Variants in SNX24 observed in about 807,000 individuals in gnomAD.
SNX24 encodes sorting nexin 24.
SNX24 carries 22 observed loss-of-function variants against 28.7 expected under a neutral mutation model. The ratio of observed to expected loss-of-function variants is 0.77; its 90% confidence interval spans 0.55 to 1.10. The LOEUF (loss-of-function observed/expected upper bound fraction) is 1.10. SNX24 is among the 50% of genes least tolerant of loss of function. The pLI, the probability that SNX24 is intolerant of heterozygous loss-of-function variation, is 0.00. For synonymous variants in SNX24, 69 were observed against 71.5 expected, an observed-to-expected ratio of 0.96 and a Z score of 0.18; for missense variants, 221 against 201.1, an observed-to-expected ratio of 1.10 and a Z score of -0.60.
intron 1 of SNX24, among the ~76,000 whole-genome samples, chr5:122,907,440 C>A (rs1297584427): frequency 1.3e-5 from 2 of 152,174 alleles, no homozygotes; most frequent in Non-Finnish European, 2.9e-5. Context: ...AGACGGCCCT[C>A]AGGGTAAAGT....
chr5:122,859,176 C>T (rs754668782), intron 1 of SNX24, among the ~76,000 whole-genome samples: 7 of 152,126 alleles, frequency 4.6e-5, no homozygotes, highest in Non-Finnish European at 8.8e-5. Flanking sequence ...CTTAGTCTTT[C>T]CTTAAGAGAT....
chr5:122,990,331 TA>T (rs754759736), intron 3 of SNX24, among the ~76,000 whole-genome samples: 14 of 152,208 alleles, frequency 9.2e-5, no homozygotes, highest in Non-Finnish European at 2.1e-4. Flanking sequence ...CGAACAAATA[TA>T]AAATGGTGTT....
At chr5:122,949,361 C>G (rs1554075254) in intron 3 of SNX24, among the ~76,000 whole-genome samples, 1 of 152,190 alleles carries the variant, frequency 6.6e-6, no homozygotes, top group Non-Finnish European at 1.5e-5. Flanking sequence ...CATCTCTATT[C>G]AATTTAAGTA....
chr5:122,878,649 C>T (rs1001445673), intron 1 of SNX24, among the ~76,000 whole-genome samples: 1 of 152,022 alleles, frequency 6.6e-6, no homozygotes, highest in African/African-American at 2.4e-5. Flanking sequence ...GGAAAAACAT[C>T]AAGGGATGAA....
chr5:122,870,635 T>C (rs1755927620), intron 1 of SNX24, among the ~76,000 whole-genome samples: 2 of 152,308 alleles, frequency 1.3e-5, no homozygotes, highest in Middle Eastern at 3.4e-3. Flanking sequence ...CGCGTGTGCA[T>C]GTGGAATGAA....
At chr5:122,952,934 T>G (rs538998785) in intron 3 of SNX24, among the ~76,000 whole-genome samples, 2 of 152,286 alleles carry the variant, frequency 1.3e-5, no homozygotes, top group East Asian at 3.9e-4. Context: ...TCTAACATCC[T>G]ACTTCTTTCT....
chr5:122,861,795 A>G (rs1755471524), intron 1 of SNX24, among the ~76,000 whole-genome samples: 1 of 152,048 alleles, frequency 6.6e-6, no homozygotes, highest in African/African-American at 2.4e-5. Flanking sequence ...TCTCATTCTA[A>G]GGAAGAGCCA....
At chr5:122,909,837 C>T (rs1004621320) in intron 1 of SNX24, among the ~76,000 whole-genome samples, 1 of 152,152 alleles carries the variant, frequency 6.6e-6, no homozygotes, top group Non-Finnish European at 1.5e-5. Context: ...TAAATACTTA[C>T]CAAAGGAATG....
At chr5:122,860,438 T>C (rs1755405508) in intron 1 of SNX24, among the ~76,000 whole-genome samples, 1 of 152,190 alleles carries the variant, frequency 6.6e-6, no homozygotes, top group Non-Finnish European at 1.5e-5. Context: ...GCTCATAGGC[T>C]GTGTTTGTTA....
intron 3 of SNX24, among the ~76,000 whole-genome samples, chr5:122,951,230 G>A (rs1412970374): frequency 7.5e-6 from 1 of 132,870 alleles, no homozygotes; most frequent in Non-Finnish European, 1.5e-5. Context: ...TTGCGCCACT[G>A]CACTCCAGCC....
chr5:123,007,212 A>AG (rs1762449259), intron 6 of SNX24, among the ~76,000 whole-genome samples: 1 of 152,198 alleles, frequency 6.6e-6, no homozygotes, highest in Admixed American at 6.5e-5. Flanking sequence ...CTCTCTTTCG[A>AG]AGCTAGTCTA....
rs772891772 is a variant in SNX24, at chr5:123,001,419, C to G, written c.359C>G (p.Thr120Arg). ...KAESCGSFDE[T>R]ESEESSKLSH... ...AAAACTTTTAGATCTTTTGATGAAA[C>G]AGAGTCTGAAGAGTCAAGGTAAGGA... Residue 120 changes from threonine (T) to arginine (R), a missense_variant, in exon 5 of 7, where the codon ACA becomes AGA. Coordinates refer to ENST00000261369, the MANE Select transcript of SNX24 (RefSeq NM_014035.4). The G allele has an allele frequency of 6.2e-7, 1 of 1,605,148 alleles. No individual in the cohort carries two copies. Among genetic ancestry groups the G allele is most frequent in the Non-Finnish European group, 8.5e-7 (1 of 1,173,062 alleles).
chr5:122,970,543 A>G (rs1393495492), intron 3 of SNX24, among the ~76,000 whole-genome samples: 1 of 151,954 alleles, frequency 6.6e-6, no homozygotes, highest in East Asian at 1.9e-4. Flanking sequence ...ATCTTGGCTC[A>G]CTGCAAGCCC....
At chr5:122,990,407 G>C (rs1761790892) in intron 3 of SNX24, among the ~76,000 whole-genome samples, 1 of 152,170 alleles carries the variant, frequency 6.6e-6, no homozygotes, top group African/African-American at 2.4e-5. Context: ...AGTACAGTAA[G>C]AATATATATA....
At chr5:122,998,699 GA>G (rs1278047862) in intron 3 of SNX24, among the ~76,000 whole-genome samples, 1 of 152,182 alleles carries the variant, frequency 6.6e-6, no homozygotes, top group Non-Finnish European at 1.5e-5. Context: ...TCATTTGTAT[GA>G]CCTGAACTGG....
At chr5:123,011,753 G>GT, downstream of SNX24, among the ~76,000 whole-genome samples, 1 of 152,168 alleles carries the variant, frequency 6.6e-6, no homozygotes, top group East Asian at 1.9e-4. Flanking sequence ...TGCAGCCTCT[G>GT]TGGGAAATGG....
intron 6 of SNX24, 136 bp from the exon 7 acceptor site, chr5:123,007,546 A>C (rs1057105440): frequency 1.2e-6 from 1 of 804,524 alleles, no homozygotes; most frequent in African/African-American, 1.8e-5. Flanking sequence ...TCAACCAGGC[A>C]CATGCCTGGC....
intron 5 of SNX24, among the ~76,000 whole-genome samples, chr5:123,021,597 C>T (rs779019673): frequency 2.0e-5 from 3 of 152,176 alleles, no homozygotes; most frequent in Non-Finnish European, 4.4e-5. Flanking sequence ...ATAAGGACTG[C>T]TTCCACTTTT....
At chr5:122,886,842 A>G (rs951318120) in intron 1 of SNX24, among the ~76,000 whole-genome samples, 1 of 151,940 alleles carries the variant, frequency 6.6e-6, no homozygotes, top group Non-Finnish European at 1.5e-5. Context: ...AAAAAAAAAA[A>G]TTATTCATTA....
Sources: gnomAD v4.1 joint callset for allele counts (sites outside exome capture counted in the v4.1 genomes callset) on GRCh38, gnomAD v4.1.1 for gene constraint, MANE v1.5 for transcripts, NCBI Gene and HGNC (gene_info 2026-07-23, HGNC 2026-07-21) for gene names.